NCKAP1: variants seen among roughly 807,000 people sequenced by gnomAD.
The protein encoded by NCKAP1 is nck-associated protein 1.
NCKAP1 carries 21 observed loss-of-function variants against 151.2 expected under a neutral mutation model. That is an observed-to-expected ratio of 0.14 (90% CI 0.10 to 0.20). The LOEUF is 0.20. Ranked by LOEUF, NCKAP1 falls within the 10% of genes least tolerant of loss-of-function variation. NCKAP1 has a pLI of 1.00. For synonymous variants in NCKAP1, 484 were observed against 451.8 expected (o/e 1.07, Z -0.90); for missense variants, 933 against 1,352.1 (o/e 0.69, Z 4.86).
chr2:183,000,352 A>G (rs1698353907), intron 6 of NCKAP1, among the ~76,000 whole-genome samples: 1 of 152,208 alleles, frequency 6.6e-6, no homozygotes, highest in Non-Finnish European at 1.5e-5. Context: ...CCGAGAGCCT[A>G]GCTTGGAATT....
At chr2:182,961,971 C>G (rs777595462) in intron 18 of NCKAP1, among the ~76,000 whole-genome samples, 188 bp downstream of exon 18, 1 of 152,188 alleles carries the variant, frequency 6.6e-6, no homozygotes, top group African/African-American at 2.4e-5. Flanking sequence ...ACAAACAGTA[C>G]GTACAGTCTT....
chr2:182,999,391 A>G (rs6740074), intron 6 of NCKAP1, among the ~76,000 whole-genome samples: 149 of 151,578 alleles, frequency 9.8e-4, no homozygotes, highest in African/African-American at 3.5e-3. Flanking sequence ...CATATGAAAA[A>G]ATGCTCAACA....
At position 182,989,173 on chromosome 2, in the gene NCKAP1, C is replaced by T; in HGVS notation, c.804G>A (p.Leu268=). The change falls in exon 9 of 31, where the codon TTG becomes TTA. Residue 268 remains leucine (L), a synonymous_variant. Coordinates refer to ENST00000361354, the MANE Select transcript of NCKAP1 (RefSeq NM_013436.5). ...CGTCAGTATTTAGGATCCCATGGCA[C>T]AAAATAAAGCCAACTTTAAATAAAA... is the stretch of plus-strand genomic sequence containing the variant. The part of the protein sequence containing the change: ...MEKWIIFGFI[L]CHGILNTDAT... 3.8e-6 allele frequency: 6 copies of T among 1,583,314 alleles called. No individual in the cohort carries two copies. The highest frequency in any genetic ancestry group is 5.1e-6 in the Non-Finnish European group (6 of 1,170,544).
At chr2:182,935,139 T>C (rs1414909012) in intron 25 of NCKAP1, 154 bp downstream of exon 25, 1 of 636,612 alleles carries the variant, frequency 1.6e-6, no homozygotes, top group Non-Finnish European at 2.6e-6. Context: ...TGAGCTTAAA[T>C]AACTAATTTT....
chr2:182,925,021 A>G lies in NCKAP1; in HGVS notation c.*681T>C, dbSNP rs746619927. 4 of 152,152 alleles carry G rather than the reference A, an allele frequency of 2.6e-5. No individual in the cohort carries two copies. The highest frequency in any genetic ancestry group is 5.9e-5 in the Non-Finnish European group (4 of 67,976). The allele number at this position is 152,152 out of a possible 1,614,324, so 9.4% of individuals were successfully genotyped here. A position where few individuals can be genotyped will look rare whatever the true frequency, so the allele number is the denominator to read the frequency against. ...ATAAATGTCTAAGATTGTTTATTAT[A>G]CAGCAGGGTACAATGGTAGTGCTAA... On this transcript the variant is annotated 3_prime_UTR_variant, in exon 31 of 31. Coordinates refer to ENST00000361354, the MANE Select transcript of NCKAP1 (RefSeq NM_013436.5).
At chr2:182,987,238 G>A (rs139254966) in intron 9 of NCKAP1, among the ~76,000 whole-genome samples, 107 of 151,864 alleles carry the variant, frequency 7.0e-4, no homozygotes, top group African/African-American at 2.4e-3. Flanking sequence ...CGAAACTCTT[G>A]TCTCAAAAAC....
intron 23 of NCKAP1, among the ~76,000 whole-genome samples, chr2:182,943,730 C>G (rs1164740573): frequency 6.6e-6 from 1 of 151,974 alleles, no homozygotes; most frequent in Non-Finnish European, 1.5e-5. Flanking sequence ...CAATTATAAC[C>G]ATTTGTTAAG....
rs1337957548 is a variant in NCKAP1, at chr2:182,920,496, T to A, written c.*5206A>T. On this transcript the variant is annotated 3_prime_UTR_variant, in exon 31 of 31. Coordinates refer to ENST00000361354, the MANE Select transcript of NCKAP1 (RefSeq NM_013436.5). ...ATGCCTTAGTCTGGTTTATAAAGTT[T>A]ATAAGCAAGAACTGTGAACAATAAA... The A allele has an allele frequency of 6.6e-6, 1 of 152,244 alleles. No individual in the cohort carries two copies. The allele number at this position is 152,244 out of a possible 1,614,324, so 9.4% of individuals were successfully genotyped here. A position where few individuals can be genotyped will look rare whatever the true frequency, so the allele number is the denominator to read the frequency against.
intron 2 of NCKAP1, among the ~76,000 whole-genome samples, chr2:183,015,641 C>T (rs576604876): frequency 1.3e-5 from 2 of 151,794 alleles, no homozygotes; most frequent in South Asian, 4.1e-4. Flanking sequence ...AAGAGAGATT[C>T]CTTTTCTCTT....
At chr2:182,995,978 C>A (rs1698260764) in intron 6 of NCKAP1, 140 bp from the exon 7 acceptor site, 2 of 751,138 alleles carry the variant, frequency 2.7e-6, no homozygotes, top group Non-Finnish European at 4.2e-6. Context: ...CTTATAATAT[C>A]TGAGTTGGGT....
rs927012731 is a variant in NCKAP1, at chr2:182,935,494, AT to A, written c.2696-120del. The A allele has an allele frequency of 7.2e-6, 4 of 557,212 alleles. No homozygotes were observed. The African/African-American group carries it at 7.8e-5, about 11-fold the overall frequency. The allele number at this position is 557,212 out of a possible 1,614,324, so 34.5% of individuals were successfully genotyped here. On this transcript the variant is annotated intron_variant, in intron 24 of 30. Transcript: ENST00000361354. ...TAAAATTCCCATGATAAAAGGCACA[AT>A]TAACAGTAATTTGATTACAATAATG...
At chr2:183,006,547 G>A (rs1698475585) in intron 2 of NCKAP1, among the ~76,000 whole-genome samples, 1 of 152,058 alleles carries the variant, frequency 6.6e-6, no homozygotes, top group South Asian at 2.1e-4. Flanking sequence ...ATGCAATCAC[G>A]TTCCCCATTT....
At chr2:182,970,481 T>C (rs1319157419) in intron 15 of NCKAP1, among the ~76,000 whole-genome samples, 1 of 152,170 alleles carries the variant, frequency 6.6e-6, no homozygotes, top group South Asian at 2.1e-4. Context: ...TTTTAATAGA[T>C]GCTGAAAATG....
At chr2:182,965,440 C>T (rs1360626260) in intron 16 of NCKAP1, among the ~76,000 whole-genome samples, 1 of 152,008 alleles carries the variant, frequency 6.6e-6, no homozygotes, top group Non-Finnish European at 1.5e-5. Context: ...TCCTCCATCT[C>T]GGCCTCCCAT....
At chr2:182,934,084 A>T (rs940277555) in intron 26 of NCKAP1, among the ~76,000 whole-genome samples, 4 of 152,112 alleles carry the variant, frequency 2.6e-5, no homozygotes, top group Non-Finnish European at 5.9e-5. Flanking sequence ...CTTAACATCT[A>T]TCTTAAACTT....
Position 182,989,075 on chromosome 2 carries a change from A to G in NCKAP1, c.902T>C (p.Phe301Ser). The stretch of plus-strand genomic sequence containing the variant: ...GTCTTCTGCAGCTTTGTGAATGTGG[A>G]AAACTTCATCCCGAAAGAGAGAGAG... Reference protein sequence around the residue: ...SCLSLFRDEVFHIHKAAEDLF... With the variant: ...SCLSLFRDEVSHIHKAAEDLF... Residue 301 changes from phenylalanine (F) to serine (S), a missense_variant, in exon 9 of 31, where the codon TTC becomes TCC. By Grantham distance (155) the Phe-to-Ser change is radical. Coordinates refer to ENST00000361354, the MANE Select transcript of NCKAP1 (RefSeq NM_013436.5). 1.9e-6 allele frequency: 3 copies of G among 1,613,974 alleles called. No individual in the cohort carries two copies. Among genetic ancestry groups the G allele is most frequent in the Non-Finnish European group, 2.5e-6 (3 of 1,179,888 alleles).
intron 20 of NCKAP1, among the ~76,000 whole-genome samples, chr2:182,954,600 A>G (rs1216622183): frequency 6.6e-6 from 1 of 152,120 alleles, no homozygotes; most frequent in Admixed American, 6.5e-5. Flanking sequence ...TGGCTGGCCA[A>G]TATGGCGAAA....
intron 24 of NCKAP1, among the ~76,000 whole-genome samples, chr2:182,938,580 T>C (rs1696929657): frequency 6.6e-6 from 1 of 151,886 alleles, no homozygotes; most frequent in South Asian, 2.1e-4. Flanking sequence ...GCATACAAAC[T>C]AGTCAAAAAG....
In NCKAP1 at chr2:182,932,060, T is replaced by C. The variant is rs76047280; in HGVS notation, c.2860-1272A>G. ...TGACACACCCAATTTGAAAACAGTT[T>C]AGCAGTTCCTCAAAAGGCTAAACAT... On this transcript the variant is annotated intron_variant, in intron 26 of 30. Transcript: ENST00000361354. Among the ~76,000 whole-genome samples the C allele has an allele frequency of 3.2e-3, 487 of 152,234 alleles. 2 individuals are homozygous for C. Among genetic ancestry groups the C allele is most frequent in the African/African-American group, 0.011 (465 of 41,544 alleles).
Sources: allele counts gnomAD v4.1 joint callset (sites outside exome capture counted in the v4.1 genomes callset), GRCh38; gene constraint gnomAD v4.1.1; transcripts MANE v1.5; gene names NCBI Gene and HGNC (gene_info 2026-07-23, HGNC 2026-07-21).